CNTNAP2: variants seen among roughly 807,000 people sequenced by gnomAD.
CNTNAP2 encodes contactin-associated protein-like 2.
Under a neutral mutation model 155.2 loss-of-function variants are expected in CNTNAP2, and 98 were observed. That is an observed-to-expected ratio of 0.63 (90% CI 0.54 to 0.75). CNTNAP2 has a LOEUF of 0.75. CNTNAP2 is among the 30% of genes least tolerant of loss of function. The pLI is 0.00. For synonymous variants in CNTNAP2, 651 were observed against 631.2 expected, an observed-to-expected ratio of 1.03 and a Z score of -0.47; for missense variants, 1,727 against 1,688.1, an observed-to-expected ratio of 1.02 and a Z score of -0.40.
At position 146,476,896 on chromosome 7, in the gene CNTNAP2, T is replaced by G. The variant is rs1479899682; in HGVS notation, c.98-297375T>G. ...CTAGCAACTATGGCTACGCATACAC[T>G]GCCGCTTCCCAAAATTTTCTATCAA... On this transcript the variant is annotated intron_variant, in intron 1 of 23. Transcript: ENST00000361727. 6.6e-5 allele frequency among the ~76,000 whole-genome samples: 10 copies of G among 152,176 alleles called. No individual in the cohort carries two copies. The South Asian group carries it at 2.1e-3, about 31-fold the overall frequency.
intron 1 of CNTNAP2, among the ~76,000 whole-genome samples, chr7:146,692,468 G>A (rs1800714337): frequency 6.6e-6 from 1 of 152,006 alleles, no homozygotes; most frequent in Admixed American, 6.6e-5. Flanking sequence ...CATGAAATTG[G>A]GCACACAATT....
At chr7:147,461,502 G>C (rs7794824) in intron 10 of CNTNAP2, among the ~76,000 whole-genome samples, 119,082 of 152,094 alleles carry the variant, frequency 0.78, 46,980 homozygotes, top group African/African-American at 0.88. Context: ...ATTAAACATG[G>C]CACATCATTT....
intron 1 of CNTNAP2, among the ~76,000 whole-genome samples, chr7:146,286,839 C>G (rs1800344729): frequency 6.6e-6 from 1 of 152,122 alleles, no homozygotes; most frequent in Non-Finnish European, 1.5e-5. Context: ...AGCACAGTGG[C>G]TCAGGCCTGT....
At chr7:146,198,094 C>A (rs1362059046) in intron 1 of CNTNAP2, among the ~76,000 whole-genome samples, 1 of 152,048 alleles carries the variant, frequency 6.6e-6, no homozygotes, top group East Asian at 1.9e-4. Context: ...GATCCAATCA[C>A]CTCCCACCAA....
chr7:148,174,667 C>T (rs577251656), intron 18 of CNTNAP2, among the ~76,000 whole-genome samples: 6 of 152,326 alleles, frequency 3.9e-5, no homozygotes, highest in Admixed American at 3.9e-4. Context: ...AGAGATGAGG[C>T]AAACAAACTG....
At chr7:147,033,116 A>C (rs1393169482) in intron 3 of CNTNAP2, among the ~76,000 whole-genome samples, 1 of 145,806 alleles carries the variant, frequency 6.9e-6, no homozygotes, top group Non-Finnish European at 1.5e-5. Flanking sequence ...ATTTGGGTAA[A>C]GAGCAGTAGG....
At chr7:147,066,156 T>G (rs1261404303) in intron 4 of CNTNAP2, among the ~76,000 whole-genome samples, 4 of 152,314 alleles carry the variant, frequency 2.6e-5, no homozygotes, top group Non-Finnish European at 5.9e-5. Flanking sequence ...TGACCTATTA[T>G]TTAATTAGAA....
chr7:146,866,764 A>AT (rs1795212966), intron 3 of CNTNAP2, among the ~76,000 whole-genome samples: 1 of 152,110 alleles, frequency 6.6e-6, no homozygotes, highest in African/African-American at 2.4e-5. Context: ...AATAGAGCAG[A>AT]GTTGGAAACA....
intron 3 of CNTNAP2, among the ~76,000 whole-genome samples, chr7:146,854,846 T>A (rs1794946714): frequency 6.6e-6 from 1 of 152,174 alleles, no homozygotes; most frequent in Non-Finnish European, 1.5e-5. Flanking sequence ...CTACTCCTAC[T>A]TGCTTTTGAT....
chr7:148,320,349 C>T (rs951921300), intron 21 of CNTNAP2, among the ~76,000 whole-genome samples: 1 of 146,480 alleles, frequency 6.8e-6, no homozygotes, highest in African/African-American at 2.5e-5. Context: ...GGGTGGAGAG[C>T]TGAGACCTAA....
intron 1 of CNTNAP2, among the ~76,000 whole-genome samples, chr7:146,773,189 G>A (rs572854577): frequency 1.3e-5 from 2 of 152,012 alleles, no homozygotes; most frequent in African/African-American, 2.4e-5. Flanking sequence ...GAATCAGAGA[G>A]CAAGCAGCTA....
At chr7:147,744,258 A>G (rs922661255) in intron 13 of CNTNAP2, among the ~76,000 whole-genome samples, 1 of 152,218 alleles carries the variant, frequency 6.6e-6, no homozygotes, top group African/African-American at 2.4e-5. Context: ...TACAAGGTAT[A>G]TGAGCCATCT....
intron 12 of CNTNAP2, among the ~76,000 whole-genome samples, chr7:147,605,511 C>A (rs1465630659): frequency 1.3e-5 from 2 of 152,128 alleles, no homozygotes; most frequent in Admixed American, 1.3e-4. Context: ...CAGATAAAGT[C>A]TCTCTGGTAA....
chr7:147,079,988 A>C (rs1800087591), intron 4 of CNTNAP2, among the ~76,000 whole-genome samples: 1 of 143,382 alleles, frequency 7.0e-6, no homozygotes, highest in South Asian at 2.2e-4. Flanking sequence ...ACCAGAATTC[A>C]AAGCCTAGTC....
Position 147,368,082 on chromosome 7 carries a change from C to CCT in CNTNAP2, c.1499-27516_1499-27515dup, listed in dbSNP as rs201434110. On this transcript the variant is annotated intron_variant, in intron 9 of 23. Coordinates refer to ENST00000361727, the MANE Select transcript of CNTNAP2 (RefSeq NM_014141.6). ...TCCTCTCTCTTTCTCTCCCTCCTTT[C>CCT]CTCTCTCTCTCTGTCACACACACAC... is the stretch of plus-strand genomic sequence containing the variant. Among the ~76,000 whole-genome samples, 8 of 51,048 alleles carry CCT rather than the reference C, an allele frequency of 1.6e-4. 1 individual carries two copies. The highest frequency in any genetic ancestry group is 6.9e-4 in the East Asian group (1 of 1,458). 33.5% of individuals were successfully genotyped at this position (51,048 alleles called of 152,430 possible).
chr7:148,265,339 C>A (rs1796648808), intron 20 of CNTNAP2, among the ~76,000 whole-genome samples: 1 of 152,174 alleles, frequency 6.6e-6, no homozygotes, highest in Non-Finnish European at 1.5e-5. Context: ...AGTGGCATGA[C>A]CACAGCTCAC....
intron 1 of CNTNAP2, among the ~76,000 whole-genome samples, chr7:146,302,583 A>ATTGC: frequency 6.6e-6 from 1 of 152,290 alleles, no homozygotes; most frequent in Non-Finnish European, 1.5e-5. Flanking sequence ...TTTGCACAAT[A>ATTGC]TTGCGTATCT....
chr7:147,870,011 A>G (rs10233606), intron 13 of CNTNAP2, among the ~76,000 whole-genome samples: 4,630 of 152,274 alleles, frequency 0.03, 223 homozygotes, highest in African/African-American at 0.11. Flanking sequence ...TAAGATGGAC[A>G]TTATTATTAC....
chr7:146,893,799 G>A (rs1470068282), intron 3 of CNTNAP2, among the ~76,000 whole-genome samples: 1 of 152,050 alleles, frequency 6.6e-6, no homozygotes, highest in Non-Finnish European at 1.5e-5. Flanking sequence ...TATGGGTTGA[G>A]GAATAATCCA....
Sources: gnomAD v4.1 joint callset for allele counts (sites outside exome capture counted in the v4.1 genomes callset) on GRCh38, gnomAD v4.1.1 for gene constraint, MANE v1.5 for transcripts, NCBI Gene and HGNC (gene_info 2026-07-23, HGNC 2026-07-21) for gene names.